Variants in CDYL2 observed in about 807,000 individuals in gnomAD.
CDYL2 encodes chromodomain Y-like protein 2.
A neutral mutation model predicts 49.4 loss-of-function variants in CDYL2; 23 were observed. The ratio of observed to expected loss-of-function variants is 0.47; its 90% CI spans 0.34 to 0.66. CDYL2 has a LOEUF of 0.66. Among genes scored for constraint, CDYL2 ranks in the 30% least tolerant of loss-of-function variants. The pLI is 0.01. For missense variants in CDYL2, 678 were observed against 656.4 expected, an observed-to-expected ratio of 1.03 and a Z score of -0.36; for synonymous variants, 360 against 268.8, an observed-to-expected ratio of 1.34 and a Z score of -3.32.
chr16:80,671,968 G>T (rs1258281536), intron 2 of CDYL2, among the ~76,000 whole-genome samples: 1 of 152,036 alleles, frequency 6.6e-6, no homozygotes, highest in African/African-American at 2.4e-5. Context: ...GCACAGGTTG[G>T]GTATACCTTA....
At chr16:80,670,989 T>C (rs7195952) in intron 2 of CDYL2, 272,366 of 455,756 alleles carry the variant, frequency 0.6, 84,326 homozygotes, top group Middle Eastern at 0.73. Flanking sequence ...CTCAGGATTT[T>C]GTCTCCTGGG....
chr16:80,728,610 CT>C (rs1227518330), intron 1 of CDYL2, among the ~76,000 whole-genome samples: 1 of 151,906 alleles, frequency 6.6e-6, no homozygotes, highest in Admixed American at 6.6e-5. Context: ...CACAAAGATA[CT>C]CCTCAAGAAG....
intron 2 of CDYL2, among the ~76,000 whole-genome samples, chr16:80,641,130 C>G (rs536171492): frequency 2.2e-4 from 33 of 152,060 alleles, no homozygotes; most frequent in African/African-American, 8.0e-4. Context: ...CAGATTTAAC[C>G]CAAATAAGGC....
intron 1 of CDYL2, among the ~76,000 whole-genome samples, chr16:80,717,795 T>C (rs1330836876): frequency 6.6e-6 from 1 of 152,132 alleles, no homozygotes; most frequent in Non-Finnish European, 1.5e-5. Flanking sequence ...GCAAAGCAAA[T>C]ACTGAAGCCA....
chr16:80,645,174 A>C (rs1187535095), intron 2 of CDYL2, among the ~76,000 whole-genome samples: 6 of 152,230 alleles, frequency 3.9e-5, no homozygotes, highest in Non-Finnish European at 8.8e-5. Flanking sequence ...CTGCACAGCA[A>C]AAGAAACTAC....
At chr16:80,619,554 G>A (rs1321918656) in intron 4 of CDYL2, among the ~76,000 whole-genome samples, 21 of 152,196 alleles carry the variant, frequency 1.4e-4, no homozygotes, top group Non-Finnish European at 2.6e-4. Flanking sequence ...CATGCATGAC[G>A]AGAGAAGCAC....
At chr16:80,739,487 G>T (rs1905657243) in intron 1 of CDYL2, among the ~76,000 whole-genome samples, 1 of 152,186 alleles carries the variant, frequency 6.6e-6, no homozygotes, top group Non-Finnish European at 1.5e-5. Flanking sequence ...AATGTCAGTG[G>T]GAAGGAGGGA....
intron 2 of CDYL2, among the ~76,000 whole-genome samples, chr16:80,659,291 A>G (rs1365909185): frequency 6.6e-6 from 1 of 152,212 alleles, no homozygotes; most frequent in Non-Finnish European, 1.5e-5. Flanking sequence ...ACTGTTCCAG[A>G]TTAAAGGAGA....
chr16:80,763,199 G>C (rs73579915), intron 1 of CDYL2, among the ~76,000 whole-genome samples: 714 of 13,154 alleles, frequency 0.054, 4 homozygotes, highest in African/African-American at 0.16. Context: ...TTGCTAATCC[G>C]GTGTTCGAGG....
chr16:80,718,312 T>C (rs1164095734), intron 1 of CDYL2, among the ~76,000 whole-genome samples: 1 of 152,222 alleles, frequency 6.6e-6, no homozygotes, highest in Non-Finnish European at 1.5e-5. Flanking sequence ...ATTACTTGTT[T>C]AAAGATGGAT....
chr16:80,692,567 T>C (rs967336284), intron 1 of CDYL2, among the ~76,000 whole-genome samples: 14 of 152,244 alleles, frequency 9.2e-5, no homozygotes, highest in Admixed American at 1.3e-4. Context: ...ATTAATGCTA[T>C]ACAATGATAC....
At chr16:80,620,196 G>A (rs866016557) in intron 4 of CDYL2, among the ~76,000 whole-genome samples, 12 of 152,314 alleles carry the variant, frequency 7.9e-5, no homozygotes, top group Middle Eastern at 6.8e-3. Flanking sequence ...GTCCCAAAAG[G>A]GTACTCATTG....
intron 1 of CDYL2, among the ~76,000 whole-genome samples, chr16:80,741,366 A>T (rs1905729392): frequency 6.6e-6 from 1 of 152,000 alleles, no homozygotes. Flanking sequence ...ATGCACACAC[A>T]CACTTGTGAT....
chr16:80,724,231 G>T (rs977776240), intron 1 of CDYL2, among the ~76,000 whole-genome samples: 1 of 145,232 alleles, frequency 6.9e-6, no homozygotes, highest in African/African-American at 2.6e-5. Context: ...GAAGAGGAGG[G>T]GGAGAAAGAG....
chr16:80,621,416 T>A (rs1193397225), intron 3 of CDYL2, among the ~76,000 whole-genome samples: 2 of 152,230 alleles, frequency 1.3e-5, no homozygotes, highest in Non-Finnish European at 2.9e-5. Context: ...AGGTGCCACA[T>A]GGCAAGTGGG....
chr16:80,763,636 A>T (rs575634480), intron 1 of CDYL2, among the ~76,000 whole-genome samples: 1 of 152,108 alleles, frequency 6.6e-6, no homozygotes, highest in Admixed American at 6.5e-5. Context: ...ACAAAAAAAA[A>T]CACTTCTCAT....
chr16:80,684,613 A>T lies in CDYL2; in HGVS notation c.541T>A (p.Leu181Met), dbSNP rs1440688814. 4.3e-6 allele frequency: 7 copies of T among 1,614,156 alleles called. No homozygotes were observed. Among genetic ancestry groups the T allele is most frequent in the Non-Finnish European group, 5.9e-6 (7 of 1,180,024 alleles). ...TCTTGCTCTCCAACATGATCATTCA[A>T]ATCCAAGCCAGGCTGATGGGACCCA... ...GNGSHQPGLD[L>M]NDHVGEQDMG... Residue 181 changes from leucine (L) to methionine (M), a missense_variant, in exon 2 of 7, where the codon TTG becomes ATG. This residue lies in a region of CDYL2 where 478 missense variants were observed against 427.0 expected (regional missense o/e 1.12). Coordinates refer to ENST00000570137, the MANE Select transcript of CDYL2 (RefSeq NM_152342.4).
chr16:80,772,792 A>T (rs1906950509), intron 1 of CDYL2, among the ~76,000 whole-genome samples: 1 of 152,172 alleles, frequency 6.6e-6, no homozygotes, highest in Non-Finnish European at 1.5e-5. Flanking sequence ...AAGTATACAT[A>T]TTGTAATTTC....
chr16:80,737,184 G>A (rs1300395080), intron 1 of CDYL2, among the ~76,000 whole-genome samples: 1 of 152,138 alleles, frequency 6.6e-6, no homozygotes, highest in African/African-American at 2.4e-5. Flanking sequence ...GTACCTACCA[G>A]TGTGTAAGTA....
Sources: gnomAD v4.1 joint callset for allele counts (sites outside exome capture counted in the v4.1 genomes callset) on GRCh38, gnomAD v4.1.1 for gene constraint, gnomAD v4.1.1 regional missense constraint, MANE v1.5 for transcripts, NCBI Gene and HGNC (gene_info 2026-07-23, HGNC 2026-07-21) for gene names.